PYGL: variants seen among roughly 807,000 people sequenced by gnomAD.
PYGL encodes the protein glycogen phosphorylase, liver form.
In PYGL, 90 loss-of-function variants were observed where a neutral mutation model predicts 100.1. That is an observed-to-expected ratio of 0.90 (90% CI 0.76 to 1.07). The LOEUF is 1.07. Ranked by LOEUF, PYGL falls within the 50% of genes least tolerant of loss-of-function variation. The pLI is 0.00. For synonymous variants in PYGL, 373 were observed against 393.0 expected, an observed-to-expected ratio of 0.95 and a Z score of 0.60; for missense variants, 1,016 against 1,057.6, an observed-to-expected ratio of 0.96 and a Z score of 0.55.
Position 50,914,007 on chromosome 14 carries a change from CACTGGTAT to C in PYGL, c.1518+686_1518+693del, listed in dbSNP as rs201965825. On this transcript the variant is annotated intron_variant, in intron 12 of 19. Transcript: ENST00000216392. ...ATGAGCCATCACACCCGGCCAGCTT[CACTGGTAT>C]TAAAGTGTTAAAAACAGGAAATCTA... 8.9e-3 allele frequency among the ~76,000 whole-genome samples: 1,360 copies of C among 152,224 alleles called. 37 individuals are homozygous for C. Among genetic ancestry groups the C allele is most frequent in the East Asian group, 0.06 (310 of 5,184 alleles).
intron 7 of PYGL, among the ~76,000 whole-genome samples, chr14:50,917,395 C>G (rs1210343959): frequency 6.6e-6 from 1 of 152,166 alleles, no homozygotes; most frequent in Non-Finnish European, 1.5e-5. Context: ...GTAAGTGATT[C>G]AGAAGATCCA....
chr14:50,920,434 G>A (rs959991102), intron 7 of PYGL, 107 bp downstream of exon 7: 1 of 1,110,822 alleles, frequency 9.0e-7, no homozygotes, highest in Admixed American at 1.8e-5. Context: ...AGCTTGTTCT[G>A]CACATGGAAA....
At chr14:50,909,761 G>C (rs2050373334) in intron 17 of PYGL, 134 bp downstream of exon 17, 2 of 981,110 alleles carry the variant, frequency 2.0e-6, no homozygotes, top group East Asian at 4.8e-5. Flanking sequence ...CTCATCGTGG[G>C]AGATGTTCTG....
chr14:50,941,942 G>A (rs1427143688), intron 1 of PYGL, among the ~76,000 whole-genome samples: 2 of 152,144 alleles, frequency 1.3e-5, no homozygotes, highest in Non-Finnish European at 2.9e-5. Context: ...AGTTTTTAAC[G>A]TACTGAGTTT....
At chr14:50,931,531 A>G in intron 4 of PYGL, 142 bp downstream of exon 4, 1 of 727,182 alleles carries the variant, frequency 1.4e-6, no homozygotes, top group South Asian at 1.6e-5. Flanking sequence ...GGGAAGATGG[A>G]TAGATAGAAC....
At position 50,910,188 on chromosome 14, in the gene PYGL, T is replaced by A. The variant is rs2050380045; in HGVS notation, c.1970-86A>T. 2.8e-6 allele frequency: 4 copies of A among 1,407,210 alleles called. No homozygotes were observed. The East Asian group carries it at 9.1e-5, about 32-fold the overall frequency. 87.2% of individuals were successfully genotyped at this position (1,407,210 alleles called of 1,614,324 possible). On this transcript the variant is annotated intron_variant, in intron 16 of 19. Coordinates refer to ENST00000216392, the MANE Select transcript of PYGL (RefSeq NM_002863.5). ...TGAAGCATTTATTAAGTTGGGCTGT[T>A]TTGATAATTAAAGTAATACATGCAC... is the stretch of plus-strand genomic sequence containing the variant.
At chr14:50,918,407 C>T (rs1320594772) in intron 7 of PYGL, among the ~76,000 whole-genome samples, 2 of 152,132 alleles carry the variant, frequency 1.3e-5, no homozygotes, top group Admixed American at 6.5e-5. Flanking sequence ...CAGCACAATT[C>T]GCAATTACAA....
chr14:50,918,408 G>A (rs565755727), intron 7 of PYGL, among the ~76,000 whole-genome samples: 4 of 152,234 alleles, frequency 2.6e-5, no homozygotes, highest in Admixed American at 6.5e-5. Flanking sequence ...AGCACAATTC[G>A]CAATTACAAA....
intron 1 of PYGL, among the ~76,000 whole-genome samples, chr14:50,938,918 C>G (rs912586995): frequency 1.3e-4 from 20 of 152,182 alleles, no homozygotes; most frequent in Middle Eastern, 3.4e-3. Context: ...TTGGCTATGA[C>G]TATCTCAAGT....
chr14:50,906,774 G>C (rs1280380384), intron 19 of PYGL, among the ~76,000 whole-genome samples: 6 of 152,186 alleles, frequency 3.9e-5, no homozygotes, highest in Admixed American at 3.9e-4. Context: ...GTGAGCCCCT[G>C]AGCTTAGCTC....
At position 50,905,561 on chromosome 14, in the gene PYGL, AAAC is replaced by A. The variant is rs1334194577; in HGVS notation, c.2380-8_2380-6del. 1.2e-6 allele frequency: 2 copies of A among 1,613,932 alleles called. No homozygotes were observed. The highest frequency in any genetic ancestry group is 1.1e-5 in the South Asian group (1 of 91,086). On this transcript the variant is annotated splice_region_variant and splice_polypyrimidine_tract_variant and intron_variant, in intron 19 of 19. Transcript: ENST00000216392. The stretch of plus-strand genomic sequence containing the variant: ...TGTGTTCCAGGCCTTTGGATTCTGT[AAAC>A]AACATATGCATATACAGCCCAGAGT...
Position 50,910,072 on chromosome 14 carries a change from A to G in PYGL, c.2000T>C (p.Ile667Thr). ...CGAGGCTTCGGTGCCTGCAGTGGAA[A>G]TCTGCTCTGACAGATCTGTGGCTGG... ...VIPATDLSEQ[I>T]STAGTEASGT... The change falls in exon 17 of 20, where the codon ATT becomes ACT. Residue 667 changes from isoleucine to threonine, a missense_variant. Physicochemically the swap from Ile to Thr is moderately conservative, Grantham distance 89 (BLOSUM62 -1). Transcript: ENST00000216392. The G allele has an allele frequency of 6.2e-7, 1 of 1,614,154 alleles. No homozygotes were observed.
Position 50,937,826 on chromosome 14 carries a change from G to T in PYGL, c.255C>A (p.Tyr85Ter), listed in dbSNP as rs1377678037. 6.2e-7 allele frequency: 1 copy of T among 1,610,774 alleles called. No homozygotes were observed. Among genetic ancestry groups the T allele is most frequent in the Non-Finnish European group, 8.5e-7 (1 of 1,177,026 alleles). The change falls in exon 2 of 20, where the codon TAC becomes TAA. Residue 85 changes from tyrosine to a stop codon, truncating the protein, a stop_gained. Coordinates refer to ENST00000216392, the MANE Select transcript of PYGL (RefSeq NM_002863.5). LOFTEE classifies it high-confidence loss of function. ...YYDKCPKRVY[Y>*]LSLEFYMGRT... ...GGCCCATGTAAAATTCCAGAGAGAG[G>T]TAATATACCCTCTGAAATAAAGAAA...
chr14:50,938,493 C>T (rs1040775199), intron 1 of PYGL, among the ~76,000 whole-genome samples: 10 of 152,130 alleles, frequency 6.6e-5, no homozygotes, highest in South Asian at 4.1e-4. Context: ...ATTAGAGGCG[C>T]GAGCCACTGC....
At chr14:50,936,379 C>T (rs2050653208) in intron 2 of PYGL, among the ~76,000 whole-genome samples, 1 of 152,174 alleles carries the variant, frequency 6.6e-6, no homozygotes, top group Admixed American at 6.5e-5. Context: ...ACGAGTTCAA[C>T]CTTGGTTATG....
At chr14:50,911,056 A>T (rs183785566) in intron 16 of PYGL, among the ~76,000 whole-genome samples, 58 of 152,354 alleles carry the variant, frequency 3.8e-4, no homozygotes, top group African/African-American at 1.2e-3. Flanking sequence ...AACACCACAA[A>T]AAGAAAAAGC....
intron 1 of PYGL, among the ~76,000 whole-genome samples, 183 bp from the exon 2 acceptor site, chr14:50,938,020 C>G (rs973883428): frequency 1.3e-5 from 2 of 152,066 alleles, no homozygotes; most frequent in Non-Finnish European, 2.9e-5. Context: ...TGAATAGGAG[C>G]TGGGTAAAAT....
At chr14:50,910,542 A>G (rs371385453) in intron 16 of PYGL, among the ~76,000 whole-genome samples, 39 of 152,016 alleles carry the variant, frequency 2.6e-4, no homozygotes, top group African/African-American at 8.2e-4. Flanking sequence ...TGCAGCCTTG[A>G]CCTCCTAGGC....
intron 8 of PYGL, 99 bp downstream of exon 8, chr14:50,916,863 C>T: frequency 2.6e-6 from 4 of 1,556,568 alleles, no homozygotes; most frequent in Non-Finnish European, 2.7e-6. Context: ...ACTATTCCTG[C>T]TCAACGTTGT....
Sources: gnomAD v4.1 joint callset for allele counts (sites outside exome capture counted in the v4.1 genomes callset) on GRCh38, gnomAD v4.1.1 for gene constraint, MANE v1.5 for transcripts, NCBI Gene and HGNC (gene_info 2026-07-23, HGNC 2026-07-21) for gene names.